The following GABBR2 variants were observed in gnomAD, a reference collection of about 807,000 sequenced individuals.
The protein encoded by GABBR2 is gamma-aminobutyric acid type B receptor subunit 2.
In GABBR2, 23 loss-of-function variants were observed where a neutral mutation model predicts 105.6. The observed-to-expected ratio is 0.22, with a 90% CI of 0.16 to 0.31. The LOEUF (loss-of-function observed/expected upper bound fraction) is 0.31, where lower values mean the gene tolerates loss of function less well. Among genes scored for constraint, GABBR2 ranks in the 10% least tolerant of loss-of-function variants. GABBR2 has a pLI of 1.00. For missense variants in GABBR2, 734 were observed against 1,245.5 expected, an observed-to-expected ratio of 0.59 and a Z score of 6.18; for synonymous variants, 478 against 499.7, an observed-to-expected ratio of 0.96 and a Z score of 0.58.
At chr9:98,703,665 T>C (rs975402982) in intron 1 of GABBR2, among the ~76,000 whole-genome samples, 1 of 151,958 alleles carries the variant, frequency 6.6e-6, no homozygotes, top group Non-Finnish European at 1.5e-5. Flanking sequence ...GCTAATTTTT[T>C]ATTTTATGTA....
intron 6 of GABBR2, among the ~76,000 whole-genome samples, chr9:98,470,853 G>A (rs796987143): frequency 2.1e-4 from 32 of 151,768 alleles, no homozygotes; most frequent in African/African-American, 7.3e-4. Flanking sequence ...CTTGATTACC[G>A]ATGTATCTGG....
intron 3 of GABBR2, among the ~76,000 whole-genome samples, chr9:98,500,474 AGGCACCAAC>A (rs1435677928): frequency 1.3e-5 from 2 of 152,222 alleles, no homozygotes; most frequent in Non-Finnish European, 2.9e-5. Flanking sequence ...TGCTGTGAGC[AGGCACCAAC>A]GGCTGCTGGA....
chr9:98,694,886 T>C (rs959452625), intron 1 of GABBR2, among the ~76,000 whole-genome samples: 1 of 152,346 alleles, frequency 6.6e-6, no homozygotes, highest in South Asian at 2.1e-4. Context: ...GCATCAGCAT[T>C]GGGTCACCCA....
At chr9:98,500,375 A>G (rs1457588924) in intron 3 of GABBR2, among the ~76,000 whole-genome samples, 3 of 152,200 alleles carry the variant, frequency 2.0e-5, no homozygotes, top group African/African-American at 7.2e-5. Flanking sequence ...GAGATGGGTA[A>G]TGATGGGCAG....
Position 98,708,607 on chromosome 9 carries a change from C to A in GABBR2, c.131G>T (p.Arg44Leu). Residue 44 changes from arginine to leucine, a missense_variant, in exon 1 of 19, where the codon CGG becomes CTG. Around this residue, in one of 7 missense-constraint regions of GABBR2, gnomAD observed 70 missense variants for 73.4 expected, o/e 0.95. Coordinates refer to ENST00000259455, the MANE Select transcript of GABBR2 (RefSeq NM_005458.8). The part of the protein sequence containing the change: ...PLAPGAWGWA[R>L]GAPRPPPSSP... ...GCTGGGCGGCGGCCGGGGGGCGCCC[C>A]GCGCCCAGCCCCAGGCCCCGGGCGC... is the stretch of plus-strand genomic sequence containing the variant. The A allele has an allele frequency of 7.1e-7, 1 of 1,399,492 alleles. No homozygotes were observed. Among genetic ancestry groups the A allele is most frequent in the Non-Finnish European group, 9.3e-7 (1 of 1,073,610 alleles). The allele number at this position is 1,399,492 out of a possible 1,614,324, so 86.7% of individuals were successfully genotyped here. A position where few individuals can be genotyped will look rare whatever the true frequency, so the allele number is the denominator to read the frequency against.
chr9:98,329,982 T>C (rs1830995455), intron 13 of GABBR2, among the ~76,000 whole-genome samples: 1 of 152,122 alleles, frequency 6.6e-6, no homozygotes. Flanking sequence ...TATTATCATA[T>C]CTATTAAAAG....
At chr9:98,683,954 G>C (rs1222829116) in intron 1 of GABBR2, among the ~76,000 whole-genome samples, 2 of 144,888 alleles carry the variant, frequency 1.4e-5, no homozygotes, top group African/African-American at 5.1e-5. Flanking sequence ...CTTGCAGTGA[G>C]CCGAGATCTC....
chr9:98,541,374 C>A (rs1828300684), intron 3 of GABBR2, among the ~76,000 whole-genome samples: 1 of 146,602 alleles, frequency 6.8e-6, no homozygotes, highest in African/African-American at 2.5e-5. Context: ...TTTTCCCCCA[C>A]AACAAAACAC....
At position 98,546,873 on chromosome 9, in the gene GABBR2, C is replaced by CG. The variant is rs1828412914; in HGVS notation, c.460-4831_460-4830insC. 2.5e-5 allele frequency among the ~76,000 whole-genome samples: 2 copies of CG among 79,838 alleles called. 1 individual carries two copies. Among genetic ancestry groups the CG allele is most frequent in the Non-Finnish European group, 6.0e-5 (2 of 33,436 alleles). The allele number at this position is 79,838 out of a possible 152,430, so 52.4% of individuals were successfully genotyped here. ...CTCTATTCTGGCTATGTGAATTAAT[C>CG]TTGCCTCAGGTCTCAGCCCGCTGGA... On this transcript the variant is annotated intron_variant, in intron 2 of 18. Transcript: ENST00000259455.
intron 1 of GABBR2, among the ~76,000 whole-genome samples, chr9:98,680,218 C>T (rs960808449): frequency 6.7e-6 from 1 of 148,912 alleles, no homozygotes; most frequent in Non-Finnish European, 1.5e-5. Flanking sequence ...CTCAATACTG[C>T]AAAAAAAAAA....
intron 7 of GABBR2, among the ~76,000 whole-genome samples, chr9:98,406,537 C>A (rs989962885): frequency 6.6e-6 from 1 of 152,246 alleles, no homozygotes; most frequent in Non-Finnish European, 1.5e-5. Flanking sequence ...TGTGCCCCAC[C>A]CATAAAGATA....
At chr9:98,511,811 C>T (rs1269908726) in intron 3 of GABBR2, among the ~76,000 whole-genome samples, 4 of 152,100 alleles carry the variant, frequency 2.6e-5, no homozygotes, top group African/African-American at 7.2e-5. Context: ...GATTCACAGC[C>T]GAATTCTACC....
chr9:98,478,745 G>A (rs959586235), intron 5 of GABBR2, among the ~76,000 whole-genome samples: 9 of 152,186 alleles, frequency 5.9e-5, no homozygotes, highest in African/African-American at 2.2e-4. Flanking sequence ...AGTCACACCT[G>A]GGCTTTGATT....
intron 5 of GABBR2, among the ~76,000 whole-genome samples, chr9:98,474,807 A>G (rs147988212): frequency 0.015 from 2,240 of 152,274 alleles, 25 homozygotes; most frequent in Middle Eastern, 0.041. Context: ...AACAACTCCT[A>G]TATGTTAGAG....
At chr9:98,670,191 G>A (rs1469556218) in intron 1 of GABBR2, among the ~76,000 whole-genome samples, 1 of 151,964 alleles carries the variant, frequency 6.6e-6, no homozygotes, top group Non-Finnish European at 1.5e-5. Context: ...CCCCTTCAAA[G>A]TGTACAATTC....
intron 3 of GABBR2, among the ~76,000 whole-genome samples, chr9:98,504,922 G>T (rs1290685345): frequency 1.3e-5 from 2 of 152,202 alleles, no homozygotes; most frequent in Non-Finnish European, 2.9e-5. Flanking sequence ...ATTAATTTAA[G>T]CTAATTAAAA....
chr9:98,469,527 CCT>C (rs1432571979), intron 6 of GABBR2, among the ~76,000 whole-genome samples: 1 of 152,182 alleles, frequency 6.6e-6, no homozygotes, highest in Non-Finnish European at 1.5e-5. Flanking sequence ...CCACTCCATG[CCT>C]CTCTCCTAAA....
intron 1 of GABBR2, among the ~76,000 whole-genome samples, chr9:98,641,705 A>C (rs1433967297): frequency 6.6e-6 from 1 of 152,178 alleles, no homozygotes; most frequent in African/African-American, 2.4e-5. Flanking sequence ...TTTTAGGTAG[A>C]GGTCCTTTTC....
At chr9:98,329,690 A>G (rs1225875658) in intron 13 of GABBR2, among the ~76,000 whole-genome samples, 2 of 152,158 alleles carry the variant, frequency 1.3e-5, no homozygotes, top group African/African-American at 4.8e-5. Flanking sequence ...CCTCTATCAG[A>G]GTGCTTTGTC....
Sources: allele counts gnomAD v4.1 joint callset (sites outside exome capture counted in the v4.1 genomes callset), GRCh38; gene constraint gnomAD v4.1.1; regional missense constraint gnomAD v4.1.1; transcripts MANE v1.5; gene names NCBI Gene and HGNC (gene_info 2026-07-23, HGNC 2026-07-21).